The following NTRK2 variants were observed in gnomAD, a reference collection of about 807,000 sequenced individuals.
The protein encoded by NTRK2 is neurotrophic receptor tyrosine kinase 2, also known as BDNF/NT-3 growth factors receptor.
In NTRK2, 13 loss-of-function variants were observed where a neutral mutation model predicts 94.5. That is an observed-to-expected ratio of 0.14 (90% CI 0.09 to 0.22). The LOEUF is 0.22. Ranked by LOEUF, NTRK2 falls within the 10% of genes least tolerant of loss-of-function variation. The pLI, the probability that NTRK2 is intolerant of heterozygous loss-of-function variation, is 1.00. For missense variants in NTRK2, 639 were observed against 1,071.2 expected (o/e 0.60, Z 5.63); for synonymous variants, 372 against 407.4 (o/e 0.91, Z 1.05).
chr9:84,830,303 G>T lies in NTRK2; in HGVS notation c.1397-30737G>T, dbSNP rs530421130. Among the ~76,000 whole-genome samples, 3 of 152,226 alleles carry T rather than the reference G, an allele frequency of 2.0e-5. No homozygotes were observed. The East Asian group carries it at 5.8e-4, about 29-fold the overall frequency. On this transcript the variant is annotated intron_variant, in intron 12 of 18. Coordinates refer to ENST00000277120, the MANE Select transcript of NTRK2 (RefSeq NM_006180.6). ...TACAGTTTCCTGTACACAGAATGTT[G>T]TGCACCATCGTATCTCATTTTAACC...
At chr9:84,844,685 ACACACACACG>A (rs944191109) in intron 12 of NTRK2, among the ~76,000 whole-genome samples, 2 of 150,968 alleles carry the variant, frequency 1.3e-5, no homozygotes, top group African/African-American at 4.9e-5. Context: ...ACACACACAC[ACACACACACG>A]GCTATCACTA....
intron 12 of NTRK2, among the ~76,000 whole-genome samples, chr9:84,784,700 G>A (rs1410156205): frequency 6.6e-6 from 1 of 152,150 alleles, no homozygotes; most frequent in African/African-American, 2.4e-5. Flanking sequence ...TGCCAGCTAA[G>A]GACTCTGTTC....
At chr9:84,907,669 C>T (rs927855580) in intron 14 of NTRK2, among the ~76,000 whole-genome samples, 7 of 148,620 alleles carry the variant, frequency 4.7e-5, no homozygotes, top group Non-Finnish European at 7.4e-5. Context: ...TTTGCCTCTT[C>T]GGAGGCATTA....
chr9:84,748,492 G>A (rs1224469081), intron 11 of NTRK2, among the ~76,000 whole-genome samples: 1 of 152,206 alleles, frequency 6.6e-6, no homozygotes, highest in Non-Finnish European at 1.5e-5. Context: ...GCAGAAGCTT[G>A]GATAAGTGAA....
chr9:84,938,786 C>T (rs1054864078), intron 15 of NTRK2, among the ~76,000 whole-genome samples: 2 of 152,036 alleles, frequency 1.3e-5, no homozygotes, highest in African/African-American at 4.8e-5. Context: ...TGTGGTGGCT[C>T]ATGCCTGTAA....
intron 14 of NTRK2, chr9:84,873,678 C>T (rs199692124): frequency 1.4e-4 from 143 of 1,055,236 alleles, no homozygotes; most frequent in East Asian, 1.1e-3. Flanking sequence ...TATTATAAGC[C>T]GCACTGAGAT....
intron 9 of NTRK2, among the ~76,000 whole-genome samples, chr9:84,736,749 G>A (rs937204461): frequency 6.6e-6 from 1 of 152,170 alleles, no homozygotes; most frequent in Non-Finnish European, 1.5e-5. Context: ...CTGAGGAATT[G>A]CCAGAGCCAA....
chr9:84,877,364 G>A (rs201250913), intron 14 of NTRK2: 1 of 1,066,204 alleles, frequency 9.4e-7, no homozygotes, highest in Non-Finnish European at 1.1e-6. Flanking sequence ...CTGGGTTGGG[G>A]GATTAGTTCA....
At chr9:84,948,054 G>A (rs920973234) in intron 15 of NTRK2, among the ~76,000 whole-genome samples, 2 of 152,152 alleles carry the variant, frequency 1.3e-5, no homozygotes, top group African/African-American at 2.4e-5. Flanking sequence ...GGTCCACAAA[G>A]GTTCACTGTA....
chr9:84,835,620 C>A (rs1241798598), intron 12 of NTRK2, among the ~76,000 whole-genome samples: 3 of 152,174 alleles, frequency 2.0e-5, no homozygotes, highest in East Asian at 1.9e-4. Flanking sequence ...CTGCCCCTCC[C>A]CCCTTCTTTG....
intron 12 of NTRK2, among the ~76,000 whole-genome samples, chr9:84,799,250 T>G (rs1355362095): frequency 6.6e-6 from 1 of 152,150 alleles, no homozygotes; most frequent in African/African-American, 2.4e-5. Flanking sequence ...CTCTGTGCCT[T>G]CAAGATCATG....
chr9:84,699,127 C>T (rs2060566811), intron 2 of NTRK2, among the ~76,000 whole-genome samples: 1 of 150,354 alleles, frequency 6.7e-6, no homozygotes, highest in Non-Finnish European at 1.5e-5. Flanking sequence ...AGCTCCACCT[C>T]CCGGGTTCAC....
At chr9:84,991,698 A>G (rs938423008) in intron 17 of NTRK2, among the ~76,000 whole-genome samples, 1 of 152,108 alleles carries the variant, frequency 6.6e-6, no homozygotes, top group African/African-American at 2.4e-5. Context: ...TGATTTCGGA[A>G]GAAGGGATTG....
At chr9:84,717,303 C>T (rs2061764145) in intron 6 of NTRK2, among the ~76,000 whole-genome samples, 1 of 152,142 alleles carries the variant, frequency 6.6e-6, no homozygotes, top group Non-Finnish European at 1.5e-5. Context: ...GTTAGTAAAA[C>T]CCAACCTTAA....
At chr9:84,792,137 G>A (rs1270633164) in intron 12 of NTRK2, among the ~76,000 whole-genome samples, 1 of 152,146 alleles carries the variant, frequency 6.6e-6, no homozygotes, top group Non-Finnish European at 1.5e-5. Flanking sequence ...GGAATATTAT[G>A]AACAGAGTTA....
chr9:84,821,680 G>A (rs535948352), intron 12 of NTRK2, among the ~76,000 whole-genome samples: 3 of 152,204 alleles, frequency 2.0e-5, no homozygotes, highest in South Asian at 2.1e-4. Flanking sequence ...TGACAGCTTG[G>A]AAACTTCCAT....
At chr9:84,874,792 G>C in intron 14 of NTRK2, 1 of 1,058,536 alleles carries the variant, frequency 9.4e-7, no homozygotes. Flanking sequence ...TTTGCTTCCT[G>C]TCAGTGAGAG....
intron 17 of NTRK2, among the ~76,000 whole-genome samples, chr9:84,965,878 A>G (rs559288048): frequency 2.6e-4 from 39 of 152,330 alleles, no homozygotes; most frequent in African/African-American, 8.2e-4. Context: ...TCCTCCGGTC[A>G]TTTCTACCTA....
chr9:84,849,570 C>A (rs750809130), intron 12 of NTRK2, among the ~76,000 whole-genome samples: 1 of 152,190 alleles, frequency 6.6e-6, no homozygotes, highest in Non-Finnish European at 1.5e-5. Context: ...TTAGTATCTA[C>A]AATGAACCAG....
Sources: gnomAD v4.1 joint callset for allele counts (sites outside exome capture counted in the v4.1 genomes callset) on GRCh38, gnomAD v4.1.1 for gene constraint, MANE v1.5 for transcripts, NCBI Gene and HGNC (gene_info 2026-07-23, HGNC 2026-07-21) for gene names.